The following RGS3 variants were observed in gnomAD, a reference collection of about 807,000 sequenced individuals.
RGS3 encodes regulator of G-protein signalling 3.
A neutral mutation model predicts 132.6 loss-of-function variants in RGS3; 80 were observed. That is an observed-to-expected ratio of 0.60 (90% CI 0.50 to 0.73). The LOEUF is 0.73. RGS3 is among the 30% of genes least tolerant of loss of function. The pLI is 0.00. For missense variants in RGS3, 1,382 were observed against 1,530.8 expected, an observed-to-expected ratio of 0.90 and a Z score of 1.62; for synonymous variants, 598 against 620.6, an observed-to-expected ratio of 0.96 and a Z score of 0.54.
intron 19 of RGS3, among the ~76,000 whole-genome samples, chr9:113,575,847 A>G (rs1297776574): frequency 6.6e-6 from 1 of 152,228 alleles, no homozygotes; most frequent in Non-Finnish European, 1.5e-5. Context: ...TCTAAAGTGT[A>G]CTTCTCCGTT....
chr9:113,568,657 C>T (rs1224406649), intron 19 of RGS3, among the ~76,000 whole-genome samples: 1 of 152,248 alleles, frequency 6.6e-6, no homozygotes, highest in Non-Finnish European at 1.5e-5. Context: ...CAAGCCGAAG[C>T]TGGGAGGTTT....
chr9:113,452,563 T>C (rs762156996), intron 1 of RGS3, among the ~76,000 whole-genome samples: 90 of 152,036 alleles, frequency 5.9e-4, no homozygotes, highest in Non-Finnish European at 3.1e-4. Context: ...ACAGTTTTCA[T>C]CAAACTTGGA....
chr9:113,529,132 T>G (rs1011117362), intron 17 of RGS3, 89 bp from the exon 16 acceptor site: 5 of 1,019,970 alleles, frequency 4.9e-6, no homozygotes, highest in Non-Finnish European at 7.8e-6. Flanking sequence ...CACACAGCCT[T>G]CTGGGCAAGA....
At chr9:113,511,707 A>T (rs1361217231) in intron 14 of RGS3, among the ~76,000 whole-genome samples, 1 of 152,080 alleles carries the variant, frequency 6.6e-6, no homozygotes, top group African/African-American at 2.4e-5. Context: ...GGAAGAAATC[A>T]ATTTTTTAAG....
chr9:113,539,897 C>G (rs557030461), intron 19 of RGS3, among the ~76,000 whole-genome samples: 147 of 152,310 alleles, frequency 9.7e-4, no homozygotes, highest in African/African-American at 3.4e-3. Flanking sequence ...GAGGTCACTC[C>G]CTTGCTGTGG....
intron 7 of RGS3, among the ~76,000 whole-genome samples, chr9:113,490,734 TTAA>T (rs1830483673): frequency 7.2e-6 from 1 of 139,704 alleles, no homozygotes; most frequent in Admixed American, 7.3e-5. Context: ...TATATATAAC[TTAA>T]TTATAATTAT....
chr9:113,594,224 G>C, intron 21 of RGS3: 1 of 1,612,866 alleles, frequency 6.2e-7, no homozygotes, highest in South Asian at 1.1e-5. Context: ...AGGAGCCAGA[G>C]TGGTGCCTCC....
intron 16 of RGS3, among the ~76,000 whole-genome samples, chr9:113,519,718 T>C (rs1015642800): frequency 1.5e-4 from 23 of 152,030 alleles, no homozygotes; most frequent in Non-Finnish European, 2.6e-4. Flanking sequence ...TGTAGAGCAT[T>C]CTCCCTTACA....
At chr9:113,532,794 G>A (rs1023541914) in intron 18 of RGS3, among the ~76,000 whole-genome samples, 1 of 152,164 alleles carries the variant, frequency 6.6e-6, no homozygotes, top group African/African-American at 2.4e-5. Flanking sequence ...TCCCAGGATG[G>A]GGGGAGCTCT....
Position 113,506,015 on chromosome 9 carries a change from G to A in RGS3, c.980-373G>A, listed in dbSNP as rs1443197938. 2.6e-5 allele frequency among the ~76,000 whole-genome samples: 4 copies of A among 152,160 alleles called. No individual in the cohort carries two copies. The highest frequency in any genetic ancestry group is 6.5e-5 in the Admixed American group (1 of 15,284). ...CTACACAAGGGTGGGCATGAGGTTC[G>A]TGCACAATGATTGGCAGAGAAGGAA... On this transcript the variant is annotated intron_variant, in intron 11 of 24. Transcript: ENST00000350696. This position sits in a 1 kb window ranked among gnomAD's most constrained non-coding sequence, Gnocchi z 4.7.
rs548491058 is a variant in RGS3 at position 113,466,526 on chromosome 9, G to A, written c.415+4325G>A. 1.2e-4 allele frequency among the ~76,000 whole-genome samples: 18 copies of A among 152,344 alleles called. No individual in the cohort carries two copies. In the East Asian group the frequency reaches 1.3e-3, roughly 11 times the overall value. The stretch of plus-strand genomic sequence containing the variant: ...AGTGACATTAATTGAAGGACACTGC[G>A]TTCTGAGGAGGTGGCCTTACTTCAG... On this transcript the variant is annotated intron_variant, in intron 3 of 24. Coordinates refer to ENST00000350696, the Ensembl canonical transcript of RGS3.
intron 20 of RGS3, among the ~76,000 whole-genome samples, chr9:113,590,979 GA>G (rs1182863793): frequency 6.6e-5 from 10 of 152,368 alleles, no homozygotes; most frequent in Non-Finnish European, 1.3e-4. Flanking sequence ...GAGGCTTAGA[GA>G]GGGGCAGGGA....
chr9:113,449,238 A>T (rs1320282196), intron 1 of RGS3, among the ~76,000 whole-genome samples: 1 of 152,152 alleles, frequency 6.6e-6, no homozygotes, highest in Non-Finnish European at 1.5e-5. Flanking sequence ...AATTATGTAG[A>T]TGTCAATAAG....
chr9:113,572,892 C>T (rs9785299), intron 19 of RGS3, among the ~76,000 whole-genome samples: 24,024 of 152,256 alleles, frequency 0.16, 2,034 homozygotes, highest in African/African-American at 0.2. Flanking sequence ...CTGCAACTAA[C>T]AGGACTCCTG....
intron 19 of RGS3, among the ~76,000 whole-genome samples, chr9:113,552,570 G>A (rs938597949): frequency 6.6e-5 from 10 of 152,008 alleles, no homozygotes; most frequent in African/African-American, 2.4e-4. Context: ...CGTCCGACTC[G>A]GCCTCCCAAA....
intron 16 of RGS3, among the ~76,000 whole-genome samples, chr9:113,520,593 G>A (rs113264472): frequency 0.018 from 2,624 of 147,104 alleles, 31 homozygotes; most frequent in Non-Finnish European, 0.027. Flanking sequence ...ACAGATTGTC[G>A]GCTCCAGCCC....
Position 113,463,384 on chromosome 9 carries a change from C to T in RGS3, c.415+1183C>T, listed in dbSNP as rs1213686598. ...CCTGAGCTTCAAAGCAGGTTATAAA[C>T]CCGACTAATTGCTGGTCTAGGAGAG... On this transcript the variant is annotated intron_variant, in intron 3 of 24. Transcript: ENST00000350696. This position sits in a 1 kb window ranked among gnomAD's most constrained non-coding sequence, Gnocchi z 4.6. Among the ~76,000 whole-genome samples, 1 of 152,208 alleles carries T rather than the reference C, an allele frequency of 6.6e-6. No individual in the cohort carries two copies. Among genetic ancestry groups the T allele is most frequent in the African/African-American group, 2.4e-5 (1 of 41,462 alleles).
At chr9:113,502,885 C>T (rs1830961154) in intron 10 of RGS3, among the ~76,000 whole-genome samples, 2 of 152,176 alleles carry the variant, frequency 1.3e-5, no homozygotes, top group South Asian at 4.1e-4. Flanking sequence ...CTCTCTGAGC[C>T]TTTATCTCCT....
intron 7 of RGS3, 28 bp downstream of exon 5, chr9:113,485,721 G>A (rs375923093): frequency 6.5e-7 from 1 of 1,546,068 alleles, no homozygotes; most frequent in Non-Finnish European, 8.8e-7. Context: ...GCTGGAGGGG[G>A]ACTCTGCTCT....
Sources: gnomAD v4.1 joint callset for allele counts (sites outside exome capture counted in the v4.1 genomes callset) on GRCh38, gnomAD v4.1.1 for gene constraint, Gnocchi (gnomAD v3.1) non-coding constraint, MANE v1.5 for transcripts, NCBI Gene and HGNC (gene_info 2026-07-23, HGNC 2026-07-21) for gene names.